SYNPR: variants seen among roughly 807,000 people sequenced by gnomAD.
SYNPR encodes the protein synaptoporin.
In SYNPR, 23 loss-of-function variants were observed where a neutral mutation model predicts 32.9. That is an observed-to-expected ratio of 0.70 (90% confidence interval 0.50 to 0.99). SYNPR has a LOEUF of 0.99. Among genes scored for constraint, SYNPR ranks in the 50% least tolerant of loss-of-function variants. The pLI, the probability that SYNPR is intolerant of heterozygous loss-of-function variation, is 0.00. For missense variants in SYNPR, 318 were observed against 349.3 expected, an observed-to-expected ratio of 0.91 and a Z score of 0.71; for synonymous variants, 146 against 135.9, an observed-to-expected ratio of 1.07 and a Z score of -0.52.
intron 1 of SYNPR, among the ~76,000 whole-genome samples, chr3:63,238,731 G>T (rs890747920): frequency 1.1e-4 from 16 of 152,034 alleles, no homozygotes; most frequent in Non-Finnish European, 2.2e-4. Flanking sequence ...CATTCTTGTG[G>T]TTATTTGTAT....
chr3:63,591,954 C>G (rs906305880), intron 4 of SYNPR, among the ~76,000 whole-genome samples: 2 of 151,784 alleles, frequency 1.3e-5, no homozygotes, highest in African/African-American at 4.8e-5. Flanking sequence ...CACCCAGGAC[C>G]TGTGAACCTG....
intron 2 of SYNPR, among the ~76,000 whole-genome samples, chr3:63,301,362 A>G (rs1202126542): frequency 6.6e-6 from 1 of 152,140 alleles, no homozygotes; most frequent in Non-Finnish European, 1.5e-5. Context: ...ATACCTAAAA[A>G]GACAGATGTT....
At chr3:63,416,513 C>T (rs1033806912) in intron 2 of SYNPR, among the ~76,000 whole-genome samples, 14 of 121,464 alleles carry the variant, frequency 1.2e-4, no homozygotes, top group Admixed American at 3.3e-4. Flanking sequence ...GCCTTGGTGA[C>T]GGAGTGAGAC....
At position 63,278,668 on chromosome 3, in the gene SYNPR, C is replaced by T. The variant is rs1323354406; in HGVS notation, c.19-9C>T. ...TTTGCTTTCTCTCTCTCGCCTCATTCCCCCAAAGCTGGCCTCTGCGGGCAC... is the reference window on the plus strand; with the variant it reads ...TTTGCTTTCTCTCTCTCGCCTCATTTCCCCAAAGCTGGCCTCTGCGGGCAC... On this transcript the variant is annotated splice_polypyrimidine_tract_variant and intron_variant, in intron 1 of 5. Transcript: ENST00000478300. The T allele has an allele frequency of 6.4e-7, 1 of 1,551,676 alleles. No individual in the cohort carries two copies. The highest frequency in any genetic ancestry group is 8.7e-7 in the Non-Finnish European group (1 of 1,146,966).
chr3:63,473,594 C>T (rs1274313726), intron 2 of SYNPR, among the ~76,000 whole-genome samples: 1 of 152,108 alleles, frequency 6.6e-6, no homozygotes, highest in African/African-American at 2.4e-5. Context: ...TAAAAGTCTG[C>T]TCGTGTTAAA....
chr3:63,423,681 T>G (rs1699840295), intron 2 of SYNPR: 1 of 152,248 alleles, frequency 6.6e-6, no homozygotes, highest in Non-Finnish European at 1.5e-5. Flanking sequence ...GAGGAATCAT[T>G]GGTTCTGGAT....
chr3:63,241,183 T>C (rs1269041286), intron 1 of SYNPR, among the ~76,000 whole-genome samples: 1 of 151,984 alleles, frequency 6.6e-6, no homozygotes, highest in Admixed American at 6.6e-5. Context: ...GTTGGAAAGG[T>C]CAAAGGAGGA....
rs2088165327 is a variant in SYNPR at position 63,393,402 on chromosome 3, T to C, written c.85-87430T>C. ...TTTGTATGTATTCTTTTCATTAGTG[T>C]TGGACTGTTGGAGAATGACTATTTC... On this transcript the variant is annotated intron_variant, in intron 2 of 5. Transcript: ENST00000478300. Among the ~76,000 whole-genome samples, 3 of 152,128 alleles carry C rather than the reference T, an allele frequency of 2.0e-5. No individual in the cohort carries two copies. In the South Asian group the frequency reaches 6.2e-4, roughly 32 times the overall value.
intron 3 of SYNPR, among the ~76,000 whole-genome samples, chr3:63,552,219 T>C (rs1162951454): frequency 3.3e-5 from 5 of 152,174 alleles, no homozygotes; most frequent in Non-Finnish European, 7.3e-5. Flanking sequence ...TTATGTGAAC[T>C]ATAAAGTTGT....
chr3:63,577,846 G>A lies in SYNPR; in HGVS notation c.408+21105G>A, dbSNP rs986504082. ...TTATGTATACAACTGGAAGGGTTAC[G>A]TAGGAGACGGGTATTAGCAAGCCTG... On this transcript the variant is annotated intron_variant, in intron 4 of 5. Transcript: ENST00000478300. Among the ~76,000 whole-genome samples the A allele has an allele frequency of 7.9e-5, 12 of 152,234 alleles. No individual in the cohort carries two copies. In the South Asian group the frequency reaches 1.5e-3, roughly 18 times the overall value.
Position 63,490,099 on chromosome 3 carries a change from T to C in SYNPR, c.209+9143T>C, listed in dbSNP as rs114005580. Among the ~76,000 whole-genome samples the C allele has an allele frequency of 9.5e-3, 1,441 of 152,212 alleles. 21 individuals are homozygous for C. The highest frequency in any genetic ancestry group is 0.032 in the African/African-American group (1,332 of 41,534). ...GCTGGTTGGGGGAAAACCTTGCTGG[T>C]GAAATGAAATTTGAGTGCAGACCTG... On this transcript the variant is annotated intron_variant, in intron 3 of 5. Coordinates refer to ENST00000478300, the MANE Select transcript of SYNPR (RefSeq NM_001130003.2).
chr3:63,588,535 T>TA (rs375835265), intron 4 of SYNPR, among the ~76,000 whole-genome samples: 13 of 151,928 alleles, frequency 8.6e-5, no homozygotes, highest in South Asian at 6.2e-4. Flanking sequence ...TCAGAAGTGC[T>TA]AAAAAAAATG....
upstream of SYNPR, among the ~76,000 whole-genome samples, chr3:63,226,783 A>T (rs1042948322): frequency 6.6e-6 from 1 of 152,150 alleles, no homozygotes; most frequent in Non-Finnish European, 1.5e-5. Context: ...ATAAGCTCTA[A>T]AGTTCAATAG....
At chr3:63,294,763 G>A (rs745491839) in intron 2 of SYNPR, among the ~76,000 whole-genome samples, 18 of 151,934 alleles carry the variant, frequency 1.2e-4, no homozygotes, top group Non-Finnish European at 2.5e-4. Context: ...TGCCATTTGC[G>A]TGTCTTATTT....
chr3:63,315,736 C>T (rs2087033487), intron 2 of SYNPR, among the ~76,000 whole-genome samples: 1 of 152,032 alleles, frequency 6.6e-6, no homozygotes, highest in East Asian at 1.9e-4. Context: ...TTATTTCTTT[C>T]TCTTGTCTGA....
intron 2 of SYNPR, among the ~76,000 whole-genome samples, chr3:63,265,677 T>C (rs1295000421): frequency 6.6e-6 from 1 of 152,224 alleles, no homozygotes; most frequent in Non-Finnish European, 1.5e-5. Context: ...TATTTTCTAG[T>C]AATAAAAATA....
chr3:63,481,050 T>G (rs1407173009), intron 3 of SYNPR, 94 bp downstream of exon 3: 1 of 1,493,996 alleles, frequency 6.7e-7, no homozygotes, highest in East Asian at 2.3e-5. Context: ...TCCAGGGACT[T>G]CTGGGTAAAC....
chr3:63,269,097 G>A (rs2086513322), intron 3 of SYNPR, among the ~76,000 whole-genome samples: 1 of 152,126 alleles, frequency 6.6e-6, no homozygotes, highest in African/African-American at 2.4e-5. Context: ...TATATAATTT[G>A]CTTATGAATA....
At chr3:63,361,763 TAA>T (rs2087665809) in intron 2 of SYNPR, among the ~76,000 whole-genome samples, 1 of 152,082 alleles carries the variant, frequency 6.6e-6, no homozygotes, top group South Asian at 2.1e-4. Context: ...CTAATTAACT[TAA>T]GACTTCAGTC....
Sources: gnomAD v4.1 joint callset for allele counts (sites outside exome capture counted in the v4.1 genomes callset) on GRCh38, gnomAD v4.1.1 for gene constraint, MANE v1.5 for transcripts, NCBI Gene and HGNC (gene_info 2026-07-23, HGNC 2026-07-21) for gene names.